MALRD1: variants seen among roughly 807,000 people sequenced by gnomAD.
MALRD1 encodes MAM and LDL-receptor class A domain-containing protein 1.
A neutral mutation model predicts 242.1 loss-of-function variants in MALRD1; 247 were observed. The ratio of observed to expected loss-of-function variants is 1.02; its 90% confidence interval spans 0.92 to 1.13. MALRD1 has a LOEUF of 1.13. MALRD1 is among the 50% of genes most tolerant of loss of function. The pLI is 0.00. For missense variants in MALRD1, 2,989 were observed against 2,533.1 expected, an observed-to-expected ratio of 1.18 and a Z score of -3.86; for synonymous variants, 995 against 866.6, an observed-to-expected ratio of 1.15 and a Z score of -2.60.
chr10:19,262,378 G>C (rs181606803), intron 19 of MALRD1, among the ~76,000 whole-genome samples: 1 of 151,838 alleles, frequency 6.6e-6, no homozygotes, highest in Non-Finnish European at 1.5e-5. Context: ...GAACTTGGCC[G>C]GGCCCGGTGG....
chr10:19,594,605 T>C (rs920550349), intron 33 of MALRD1, among the ~76,000 whole-genome samples: 2 of 152,084 alleles, frequency 1.3e-5, no homozygotes, highest in Non-Finnish European at 2.9e-5. Context: ...AATCAACAAG[T>C]TGATAAAGAA....
intron 29 of MALRD1, among the ~76,000 whole-genome samples, chr10:19,464,598 G>A (rs1387622842): frequency 6.6e-6 from 1 of 152,112 alleles, no homozygotes; most frequent in Non-Finnish European, 1.5e-5. Context: ...CTACCATGCT[G>A]TTTTGGTGAC....
At chr10:19,719,219 CATACATAT>C (rs1834600221) in intron 38 of MALRD1, among the ~76,000 whole-genome samples, 4 of 30,306 alleles carry the variant, frequency 1.3e-4, no homozygotes, top group African/African-American at 2.9e-4. Flanking sequence ...TATACACATA[CATACATAT>C]ATATATATAT....
chr10:19,579,608 A>G (rs1254794789), intron 33 of MALRD1, among the ~76,000 whole-genome samples: 3 of 152,212 alleles, frequency 2.0e-5, no homozygotes, highest in African/African-American at 7.2e-5. Context: ...AGCCAAGAAT[A>G]TAATGCATAT....
chr10:19,642,837 A>C (rs1393680389), intron 36 of MALRD1, among the ~76,000 whole-genome samples: 1 of 152,138 alleles, frequency 6.6e-6, no homozygotes, highest in Non-Finnish European at 1.5e-5. Context: ...TTGTTAGGGA[A>C]GAGGGAGGGC....
At chr10:19,233,337 A>C (rs1021180361) in intron 18 of MALRD1, among the ~76,000 whole-genome samples, 2 of 152,114 alleles carry the variant, frequency 1.3e-5, no homozygotes, top group Non-Finnish European at 2.9e-5. Flanking sequence ...CCCCATCTCT[A>C]CTAAAAATAC....
chr10:19,590,394 T>C (rs1164532866), intron 33 of MALRD1, among the ~76,000 whole-genome samples: 1 of 148,544 alleles, frequency 6.7e-6, no homozygotes, highest in Non-Finnish European at 1.5e-5. Flanking sequence ...TATATGTATA[T>C]ATTTTATATA....
chr10:19,596,824 A>G (rs1450684793), intron 34 of MALRD1, among the ~76,000 whole-genome samples: 5 of 149,802 alleles, frequency 3.3e-5, no homozygotes, highest in Non-Finnish European at 5.9e-5. Context: ...GGAAAGGAGG[A>G]AAGGAGGAAG....
At chr10:19,111,877 T>C (rs1316286691) in intron 5 of MALRD1, among the ~76,000 whole-genome samples, 1 of 152,154 alleles carries the variant, frequency 6.6e-6, no homozygotes, top group Non-Finnish European at 1.5e-5. Context: ...GCATGAAGAT[T>C]AATAATAGAG....
intron 19 of MALRD1, among the ~76,000 whole-genome samples, chr10:19,278,845 T>C (rs1234793990): frequency 6.6e-6 from 1 of 152,122 alleles, no homozygotes; most frequent in Non-Finnish European, 1.5e-5. Flanking sequence ...GCAAATGATA[T>C]AATAAGCAAA....
At chr10:19,166,629 A>C (rs923938756) in intron 13 of MALRD1, among the ~76,000 whole-genome samples, 8 of 152,192 alleles carry the variant, frequency 5.3e-5, no homozygotes, top group African/African-American at 1.9e-4. Context: ...TGGTATCCCA[A>C]TTACCTTTAT....
At chr10:19,214,603 G>GA (rs138160808) in intron 18 of MALRD1, among the ~76,000 whole-genome samples, 4,281 of 152,228 alleles carry the variant, frequency 0.028, 171 homozygotes, top group East Asian at 0.18. Flanking sequence ...AAAGTTTGTG[G>GA]AAAATGAAGT....
intron 21 of MALRD1, among the ~76,000 whole-genome samples, chr10:19,285,692 C>G (rs947343380): frequency 3.0e-5 from 4 of 132,290 alleles, no homozygotes; most frequent in African/African-American, 2.9e-5. Flanking sequence ...AGTGTGATGC[C>G]TCCAGCTTTG....
At chr10:19,405,404 G>C (rs1015184425) in intron 28 of MALRD1, among the ~76,000 whole-genome samples, 2 of 152,044 alleles carry the variant, frequency 1.3e-5, no homozygotes, top group Non-Finnish European at 2.9e-5. Context: ...ACTTTTCCCT[G>C]CAACTTCCAA....
At chr10:19,635,714 G>C (rs1162507754) in intron 36 of MALRD1, among the ~76,000 whole-genome samples, 3 of 152,056 alleles carry the variant, frequency 2.0e-5, no homozygotes, top group Non-Finnish European at 4.4e-5. Flanking sequence ...TAAAATATCT[G>C]AGAATATTTC....
At chr10:19,634,146 G>A (rs1280545421) in intron 36 of MALRD1, among the ~76,000 whole-genome samples, 1 of 151,904 alleles carries the variant, frequency 6.6e-6, no homozygotes, top group Non-Finnish European at 1.5e-5. Context: ...CGGCTACACA[G>A]TTTCTTCTTA....
rs76402834 is a variant in MALRD1 at position 19,724,167 on chromosome 10, G to A, written c.6315-6539G>A. ...TGTAACAGTGTTACTCCCATGAGAT[G>A]GTAATGGAAACTAGGTGTCCGGTGA... On this transcript the variant is annotated intron_variant, in intron 38 of 39. Coordinates refer to ENST00000454679, the MANE Select transcript of MALRD1 (RefSeq NM_001142308.3). Among the ~76,000 whole-genome samples the A allele has an allele frequency of 5.8e-3, 875 of 152,030 alleles. 4 individuals carry two copies. The highest frequency in any genetic ancestry group is 0.02 in the African/African-American group (836 of 41,456).
At chr10:19,391,927 C>T (rs1244870622) in intron 28 of MALRD1, among the ~76,000 whole-genome samples, 1 of 152,264 alleles carries the variant, frequency 6.6e-6, no homozygotes, top group East Asian at 1.9e-4. Context: ...TGGAGCCAAC[C>T]CTTATTTAGG....
intron 33 of MALRD1, among the ~76,000 whole-genome samples, chr10:19,588,935 G>A (rs61616897): frequency 0.045 from 6,808 of 152,172 alleles, 459 homozygotes; most frequent in African/African-American, 0.14. Context: ...GAGCCACCGC[G>A]CCCAGTCTAA....
Sources: allele counts gnomAD v4.1 joint callset (sites outside exome capture counted in the v4.1 genomes callset), GRCh38; gene constraint gnomAD v4.1.1; transcripts MANE v1.5; gene names NCBI Gene and HGNC (gene_info 2026-07-23, HGNC 2026-07-21).